NAV2: variants seen among roughly 807,000 people sequenced by gnomAD.
NAV2 encodes the protein helicase, APC down-regulated 1.
Under a neutral mutation model 223.2 loss-of-function variants are expected in NAV2, and 54 were observed. The ratio of observed to expected loss-of-function variants is 0.24; its 90% confidence interval spans 0.19 to 0.30. The LOEUF (loss-of-function observed/expected upper bound fraction) is 0.30, where lower values mean the gene tolerates loss of function less well. Among genes scored for constraint, NAV2 ranks in the 10% least tolerant of loss-of-function variants. The pLI is 1.00. For missense variants in NAV2, 2,806 were observed against 3,147.5 expected (o/e 0.89, Z 2.60); for synonymous variants, 1,279 against 1,239.3 (o/e 1.03, Z -0.67).
chr11:19,623,588 G>A (rs147515735), intron 1 of NAV2, among the ~76,000 whole-genome samples: 2,054 of 152,252 alleles, frequency 0.013, 49 homozygotes, highest in African/African-American at 0.047. Context: ...TTGTCACATA[G>A]TTCTCATGCC....
At chr11:19,818,044 C>T (rs1347620216) in intron 1 of NAV2, among the ~76,000 whole-genome samples, 3 of 148,462 alleles carry the variant, frequency 2.0e-5, no homozygotes, top group South Asian at 2.1e-4. Context: ...CCAGATCTTA[C>T]CTCTCTCCCT....
intron 1 of NAV2, among the ~76,000 whole-genome samples, chr11:19,373,921 G>T (rs1405873625): frequency 6.6e-6 from 1 of 152,022 alleles, no homozygotes; most frequent in African/African-American, 2.4e-5. Context: ...CATATCACCT[G>T]CTTTTTTCCC....
intron 1 of NAV2, among the ~76,000 whole-genome samples, chr11:19,374,309 GTTTT>G (rs10533713): frequency 2.6e-3 from 318 of 124,580 alleles, no homozygotes; most frequent in Middle Eastern, 0.017. Flanking sequence ...TTCCGAAAAG[GTTTT>G]TTTTTTTTTT....
chr11:19,844,053 G>T (rs528919957), intron 3 of NAV2, among the ~76,000 whole-genome samples: 1 of 152,256 alleles, frequency 6.6e-6, no homozygotes, highest in African/African-American at 2.4e-5. Context: ...TCCACTGAAG[G>T]TTTTCTTTCT....
intron 1 of NAV2, among the ~76,000 whole-genome samples, chr11:19,591,469 C>A (rs2046058772): frequency 6.6e-6 from 1 of 152,160 alleles, no homozygotes; most frequent in South Asian, 2.1e-4. Context: ...TCACCTCTAA[C>A]CTGAGAATAG....
intron 4 of NAV2, among the ~76,000 whole-genome samples, chr11:19,874,565 G>A (rs7945709): frequency 0.011 from 1,625 of 152,280 alleles, 28 homozygotes; most frequent in African/African-American, 0.037. Context: ...GCTTCCTGTG[G>A]AGCTGGCTTA....
chr11:19,533,791 C>G (rs1310486555), intron 1 of NAV2, among the ~76,000 whole-genome samples: 1 of 131,504 alleles, frequency 7.6e-6, no homozygotes, highest in Non-Finnish European at 1.5e-5. Flanking sequence ...ACTGCAAGCT[C>G]CGCCTCCCGG....
chr11:19,857,800 A>AT (rs1180359576), intron 3 of NAV2, among the ~76,000 whole-genome samples: 3 of 152,228 alleles, frequency 2.0e-5, no homozygotes, highest in African/African-American at 7.2e-5. Context: ...AATCAAAGTA[A>AT]TTGATACTTC....
chr11:20,098,414 T>C (rs1165082318), intron 31 of NAV2, among the ~76,000 whole-genome samples: 1 of 152,258 alleles, frequency 6.6e-6, no homozygotes, highest in African/African-American at 2.4e-5. Context: ...TTTAATCCAG[T>C]CTGTCCCAAA....
intron 1 of NAV2, among the ~76,000 whole-genome samples, chr11:19,745,962 T>C (rs115543746): frequency 0.011 from 1,730 of 152,328 alleles, 36 homozygotes; most frequent in African/African-American, 0.04. Context: ...GGGCTGACCG[T>C]ATTTACTAAC....
At chr11:19,964,578 C>T (rs2048604006) in intron 10 of NAV2, among the ~76,000 whole-genome samples, 2 of 151,606 alleles carry the variant, frequency 1.3e-5, no homozygotes, top group African/African-American at 2.4e-5. Context: ...TCACTGAAAC[C>T]TCGAATTCCT....
At chr11:19,645,416 T>C (rs1051285276) in intron 1 of NAV2, among the ~76,000 whole-genome samples, 3 of 152,196 alleles carry the variant, frequency 2.0e-5, no homozygotes, top group African/African-American at 7.2e-5. Flanking sequence ...CTTTTTACCA[T>C]GTCAGATAAC....
chr11:19,828,790 A>G (rs1258875642), intron 1 of NAV2, among the ~76,000 whole-genome samples: 1 of 152,234 alleles, frequency 6.6e-6, no homozygotes, highest in Non-Finnish European at 1.5e-5. Flanking sequence ...TAATTAGATT[A>G]GAGCTGCGCC....
chr11:19,927,081 T>C (rs544810745), intron 6 of NAV2, among the ~76,000 whole-genome samples: 76 of 152,336 alleles, frequency 5.0e-4, no homozygotes, highest in African/African-American at 1.8e-3. Context: ...AACCAAACTT[T>C]TTCCCTCCCA....
At chr11:19,930,848 A>G (rs1367497654) in intron 6 of NAV2, among the ~76,000 whole-genome samples, 1 of 152,220 alleles carries the variant, frequency 6.6e-6, no homozygotes, top group Non-Finnish European at 1.5e-5. Flanking sequence ...ATCCTCTGTG[A>G]TGTAGGCTGC....
At chr11:19,776,577 G>GTGTGT (rs1555045441) in intron 1 of NAV2, among the ~76,000 whole-genome samples, 8 of 116,120 alleles carry the variant, frequency 6.9e-5, no homozygotes, top group Non-Finnish European at 5.3e-5. Context: ...CTGGGGCAGG[G>GTGTGT]GTGTGTGTGT....
At chr11:20,032,007 G>A (rs1393560944) in intron 11 of NAV2, among the ~76,000 whole-genome samples, 2 of 152,142 alleles carry the variant, frequency 1.3e-5, no homozygotes, top group African/African-American at 4.8e-5. Context: ...ACTAATCTTG[G>A]TGGCTCCTGA....
chr11:19,945,168 T>G (rs1565615106), intron 8 of NAV2, among the ~76,000 whole-genome samples: 24 of 47,000 alleles, frequency 5.1e-4, no homozygotes, highest in African/African-American at 2.5e-3. Flanking sequence ...TTCCCTTCCC[T>G]TCCCTTCCCT....
rs772489295 is a variant in NAV2, at chr11:19,448,330, G to A, written c.75+97303G>A. Among the ~76,000 whole-genome samples the A allele has an allele frequency of 1.0e-3, 153 of 152,306 alleles. 2 individuals are homozygous for A. Among genetic ancestry groups the A allele is most frequent in the Middle Eastern group, 6.8e-3 (2 of 294 alleles). On this transcript the variant is annotated intron_variant, in intron 1 of 37. Transcript: ENST00000360655. Reference sequence around the variant, plus strand: ...CGTGGGGTTGGTACCAATGTATTCTGCCTGTGGCTGTTACTTCTCAGCTCC... The same window carrying A: ...CGTGGGGTTGGTACCAATGTATTCTACCTGTGGCTGTTACTTCTCAGCTCC...
Sources: allele counts gnomAD v4.1 joint callset (sites outside exome capture counted in the v4.1 genomes callset), GRCh38; gene constraint gnomAD v4.1.1; transcripts MANE v1.5; gene names NCBI Gene and HGNC (gene_info 2026-07-23, HGNC 2026-07-21).